BATF: variants seen among roughly 807,000 people sequenced by gnomAD.
BATF encodes basic leucine zipper transcriptional factor ATF-like.
A neutral mutation model predicts 13.7 loss-of-function variants in BATF; 5 were observed. The ratio of observed to expected loss-of-function variants is 0.36; its 90% CI spans 0.19 to 0.77. The LOEUF (loss-of-function observed/expected upper bound fraction) is 0.77. Ranked by LOEUF, BATF falls within the 30% of genes least tolerant of loss-of-function variation. The pLI, the probability that BATF is intolerant of heterozygous loss-of-function variation, is 0.51. For missense variants in BATF, 124 were observed against 163.0 expected, an observed-to-expected ratio of 0.76 and a Z score of 1.30; for synonymous variants, 72 against 67.5, an observed-to-expected ratio of 1.07 and a Z score of -0.33.
At chr14:75,529,067 A>G (rs1189820595) in intron 2 of BATF, among the ~76,000 whole-genome samples, 2 of 152,226 alleles carry the variant, frequency 1.3e-5, no homozygotes, top group African/African-American at 4.8e-5. Flanking sequence ...AAAAAACCCA[A>G]TAGGGTTTTC....
At chr14:75,543,059 C>A (rs540547487) in intron 2 of BATF, among the ~76,000 whole-genome samples, 1 of 152,128 alleles carries the variant, frequency 6.6e-6, no homozygotes, top group African/African-American at 2.4e-5. Flanking sequence ...TCAGAGGGGG[C>A]GAAGAAAAGG....
At chr14:75,522,864 C>A in intron 1 of BATF, 119 bp downstream of exon 1, 3 of 1,223,900 alleles carry the variant, frequency 2.5e-6, no homozygotes, top group Non-Finnish European at 3.5e-6. Context: ...GTTGCACGGG[C>A]ACTCTGTTAG....
chr14:75,524,151 C>G (rs1595001634), intron 1 of BATF, among the ~76,000 whole-genome samples: 1 of 152,262 alleles, frequency 6.6e-6, no homozygotes. Flanking sequence ...GACTCCTACA[C>G]CTACACTGCA....
chr14:75,529,088 G>T (rs1887695121), intron 2 of BATF, among the ~76,000 whole-genome samples: 2 of 152,128 alleles, frequency 1.3e-5, no homozygotes, highest in African/African-American at 4.8e-5. Context: ...TGGGATTTGG[G>T]CAAGAACTAG....
intron 2 of BATF, among the ~76,000 whole-genome samples, chr14:75,546,195 A>G (rs1045976888): frequency 5.3e-5 from 8 of 152,154 alleles, no homozygotes; most frequent in Admixed American, 5.2e-4. Flanking sequence ...ACAACAGACA[A>G]ATATCAGCAG....
Position 75,545,615 on chromosome 14 carries a change from C to T in BATF, c.169-847C>T, listed in dbSNP as rs139014521. Among the ~76,000 whole-genome samples, 831 of 152,088 alleles carry T rather than the reference C, an allele frequency of 5.5e-3. 7 individuals carry two copies. Among genetic ancestry groups the T allele is most frequent in the African/African-American group, 0.019 (788 of 41,490 alleles). On this transcript the variant is annotated intron_variant, in intron 2 of 2. Coordinates refer to ENST00000286639, the MANE Select transcript of BATF (RefSeq NM_006399.5). ...GTATCCAGTGACTTTATTTGTAAGACGAAATGCAGACACCGGGAGCTTTTG... is the reference window on the plus strand; with the variant it reads ...GTATCCAGTGACTTTATTTGTAAGATGAAATGCAGACACCGGGAGCTTTTG...
intron 1 of BATF, 151 bp from the exon 2 acceptor site, chr14:75,524,933 T>G: frequency 3.2e-6 from 2 of 615,780 alleles, no homozygotes; most frequent in Non-Finnish European, 5.6e-6. Context: ...CTCCTTCGGG[T>G]GCAGGCTTTT....
At chr14:75,532,729 G>A (rs1462363619) in intron 2 of BATF, among the ~76,000 whole-genome samples, 1 of 152,164 alleles carries the variant, frequency 6.6e-6, no homozygotes, top group African/African-American at 2.4e-5. Flanking sequence ...AATTTATGCT[G>A]GTACTAAAAA....
chr14:75,545,079 A>T (rs1317756472), intron 2 of BATF, among the ~76,000 whole-genome samples: 17 of 152,164 alleles, frequency 1.1e-4, no homozygotes, highest in Admixed American at 1.1e-3. Context: ...AGCAACAGGG[A>T]AAAGAGTTTC....
intron 2 of BATF, among the ~76,000 whole-genome samples, chr14:75,533,310 C>T (rs1356677282): frequency 6.6e-6 from 1 of 151,938 alleles, no homozygotes; most frequent in Admixed American, 6.5e-5. Flanking sequence ...CGCCTGTAGT[C>T]CCAGCTACTC....
intron 1 of BATF, 77 bp downstream of exon 1, chr14:75,522,822 G>T: frequency 1.3e-6 from 2 of 1,575,774 alleles, no homozygotes; most frequent in Non-Finnish European, 1.7e-6. Context: ...TCCTTGTCCT[G>T]CCCAGGGAGC....
intron 1 of BATF, among the ~76,000 whole-genome samples, chr14:75,524,658 T>C (rs1237587572): frequency 1.3e-5 from 2 of 152,034 alleles, no homozygotes; most frequent in East Asian, 3.9e-4. Context: ...GGTTGGCATA[T>C]AGTAGGCACT....
At chr14:75,545,827 C>T (rs1887976434) in intron 2 of BATF, among the ~76,000 whole-genome samples, 1 of 152,024 alleles carries the variant, frequency 6.6e-6, no homozygotes, top group African/African-American at 2.4e-5. Context: ...CACTCACACA[C>T]ACCCCTCTAT....
chr14:75,537,653 T>C (rs1887838286), intron 2 of BATF, among the ~76,000 whole-genome samples: 1 of 152,210 alleles, frequency 6.6e-6, no homozygotes, highest in African/African-American at 2.4e-5. Flanking sequence ...ATGAATGAAC[T>C]GTGCTGGACT....
chr14:75,527,722 T>C (rs1595003175), intron 2 of BATF, among the ~76,000 whole-genome samples: 1 of 152,192 alleles, frequency 6.6e-6, no homozygotes, highest in South Asian at 2.1e-4. Flanking sequence ...CCAAGTCATA[T>C]AGTCAACATA....
At position 75,536,201 on chromosome 14, in the gene BATF, G is replaced by C. The variant is rs561151567; in HGVS notation, c.169-10261G>C. On this transcript the variant is annotated intron_variant, in intron 2 of 2. Coordinates refer to ENST00000286639, the MANE Select transcript of BATF (RefSeq NM_006399.5). Reference sequence around the variant, plus strand: ...AAGATGAAATCATGCAATGTGGAAAGTGTCTAAGGGACGGGATTGGGGCAG... The same window carrying C: ...AAGATGAAATCATGCAATGTGGAAACTGTCTAAGGGACGGGATTGGGGCAG... Among the ~76,000 whole-genome samples the C allele has an allele frequency of 3.9e-5, 6 of 152,334 alleles. No individual in the cohort carries two copies. In the East Asian group the frequency reaches 9.7e-4, roughly 25 times the overall value.
chr14:75,546,448 C>G lies in BATF; in HGVS notation c.169-14C>G, dbSNP rs879179636. On this transcript the variant is annotated splice_polypyrimidine_tract_variant and intron_variant, in intron 2 of 2. Coordinates refer to ENST00000286639, the MANE Select transcript of BATF (RefSeq NM_006399.5). Reference sequence around the variant, plus strand: ...CTAGACACTAACCTCCGGTGCTGATCCCCACCCCTACAGGAGAGCGAAGAC... The same window carrying G: ...CTAGACACTAACCTCCGGTGCTGATGCCCACCCCTACAGGAGAGCGAAGAC... 6.2e-7 allele frequency: 1 copy of G among 1,613,752 alleles called. No homozygotes were observed. The highest frequency in any genetic ancestry group is 1.1e-5 in the South Asian group (1 of 91,042).
chr14:75,536,373 T>C (rs1887816569), intron 2 of BATF, among the ~76,000 whole-genome samples: 1 of 152,080 alleles, frequency 6.6e-6, no homozygotes, highest in Admixed American at 6.6e-5. Flanking sequence ...AGAAAGGTGC[T>C]TGGTAAGGTG....
chr14:75,525,255 T>A (rs1025713296), intron 2 of BATF, 67 bp downstream of exon 2: 2 of 1,488,006 alleles, frequency 1.3e-6, no homozygotes, highest in South Asian at 2.4e-5. Flanking sequence ...CTGGGAACCC[T>A]TGGACCATAG....
Sources: allele counts gnomAD v4.1 joint callset (sites outside exome capture counted in the v4.1 genomes callset), GRCh38; gene constraint gnomAD v4.1.1; transcripts MANE v1.5; gene names NCBI Gene and HGNC (gene_info 2026-07-23, HGNC 2026-07-21).